Variants in CNBD1 observed in about 807,000 individuals in gnomAD.
CNBD1 encodes the protein cyclic nucleotide binding domain containing 1.
A neutral mutation model predicts 54.4 loss-of-function variants in CNBD1; 71 were observed. The ratio of observed to expected loss-of-function variants is 1.30; its 90% confidence interval spans 1.08 to 1.59. The LOEUF (loss-of-function observed/expected upper bound fraction) is 1.59. Ranked by LOEUF, CNBD1 falls within the 40% of genes most tolerant of loss-of-function variation. CNBD1 has a pLI of 0.00. For missense variants in CNBD1, 659 were observed against 518.0 expected (o/e 1.27, Z -2.64); for synonymous variants, 182 against 170.7 (o/e 1.07, Z -0.51).
intron 3 of CNBD1, among the ~76,000 whole-genome samples, chr8:86,934,172 C>T (rs145473783): frequency 6.6e-6 from 1 of 152,060 alleles, no homozygotes; most frequent in African/African-American, 2.4e-5. Context: ...TCCTGGCAAG[C>T]AAAGTAGGTC....
rs997154413 is a variant in CNBD1 at position 86,960,384 on chromosome 8, T to A, written c.431+20630T>A. 2.0e-5 allele frequency among the ~76,000 whole-genome samples: 3 copies of A among 152,244 alleles called. No homozygotes were observed. In the South Asian group the frequency reaches 6.2e-4, roughly 32 times the overall value. Reference sequence around the variant, plus strand: ...CCCACACCCACAGAGCCTCACTCACTGCTAGCACAGCAGTCTGAGATCGAA... The same window carrying A: ...CCCACACCCACAGAGCCTCACTCACAGCTAGCACAGCAGTCTGAGATCGAA... On this transcript the variant is annotated intron_variant, in intron 4 of 10. Transcript: ENST00000518476.
At chr8:87,147,010 A>C (rs1022825585) in intron 4 of CNBD1, among the ~76,000 whole-genome samples, 1 of 152,094 alleles carries the variant, frequency 6.6e-6, no homozygotes. Flanking sequence ...GCTTGTCTGC[A>C]AAATCCTCCC....
chr8:87,394,779 T>C (rs1586076557), intron 2 of CNBD1, among the ~76,000 whole-genome samples: 1 of 151,946 alleles, frequency 6.6e-6, no homozygotes. Flanking sequence ...CTCATCTGTT[T>C]GGTTAAGTTT....
At chr8:87,403,274 C>T (rs1039412708) in intron 2 of CNBD1, among the ~76,000 whole-genome samples, 2 of 151,994 alleles carry the variant, frequency 1.3e-5, no homozygotes, top group African/African-American at 4.8e-5. Flanking sequence ...TTTGCATCAG[C>T]AGTTAGTTTC....
chr8:87,135,487 T>A (rs114752259), intron 4 of CNBD1, among the ~76,000 whole-genome samples: 146 of 151,106 alleles, frequency 9.7e-4, no homozygotes, highest in African/African-American at 3.4e-3. Flanking sequence ...TGCTAGTGTA[T>A]ATTTTGATGA....
intron 8 of CNBD1, among the ~76,000 whole-genome samples, chr8:87,300,185 A>C (rs1224328572): frequency 1.3e-5 from 2 of 152,174 alleles, no homozygotes; most frequent in Non-Finnish European, 2.9e-5. Context: ...ATGAATTATA[A>C]AGTATTTTTA....
At chr8:87,026,638 A>C (rs547523178) in intron 4 of CNBD1, among the ~76,000 whole-genome samples, 8 of 152,260 alleles carry the variant, frequency 5.3e-5, no homozygotes, top group African/African-American at 1.9e-4. Context: ...TCCTTTCTCT[A>C]AAAAAATTTT....
At chr8:87,096,962 G>T (rs1811333227) in intron 4 of CNBD1, among the ~76,000 whole-genome samples, 1 of 152,166 alleles carries the variant, frequency 6.6e-6, no homozygotes, top group Non-Finnish European at 1.5e-5. Flanking sequence ...GCAAGAAGCA[G>T]CAGCTCAGGA....
At chr8:87,026,629 C>T (rs1809652058) in intron 4 of CNBD1, among the ~76,000 whole-genome samples, 1 of 152,036 alleles carries the variant, frequency 6.6e-6, no homozygotes, top group Non-Finnish European at 1.5e-5. Flanking sequence ...CAAACAAGAT[C>T]CTTTCTCTAA....
At chr8:86,898,046 C>G (rs1042220894) in intron 2 of CNBD1, among the ~76,000 whole-genome samples, 1 of 152,092 alleles carries the variant, frequency 6.6e-6, no homozygotes, top group Non-Finnish European at 1.5e-5. Flanking sequence ...AAAAGAATGA[C>G]ATATCTATTT....
intron 8 of CNBD1, among the ~76,000 whole-genome samples, chr8:87,316,126 T>C (rs62528143): frequency 0.048 from 7,306 of 152,112 alleles, 219 homozygotes; most frequent in Non-Finnish European, 0.06. Context: ...ATTAGTATTC[T>C]ACATGGCAAA....
intron 2 of CNBD1, among the ~76,000 whole-genome samples, chr8:87,420,917 C>T (rs754719927): frequency 3.0e-4 from 46 of 151,728 alleles, no homozygotes; most frequent in African/African-American, 4.8e-5. Context: ...TGTTACTGAT[C>T]GTGGAGTAAG....
At chr8:86,882,314 TAAAC>T (rs1351740266) in intron 1 of CNBD1, among the ~76,000 whole-genome samples, 1 of 151,922 alleles carries the variant, frequency 6.6e-6, no homozygotes, top group Non-Finnish European at 1.5e-5. Context: ...ATAAGGAACT[TAAAC>T]AAATTTACAA....
At chr8:87,063,626 GT>G (rs995938564) in intron 4 of CNBD1, among the ~76,000 whole-genome samples, 3 of 151,948 alleles carry the variant, frequency 2.0e-5, no homozygotes, top group African/African-American at 7.2e-5. Flanking sequence ...CTATATAAAG[GT>G]TAGAATAAGA....
At chr8:87,022,001 G>A (rs921452583) in intron 4 of CNBD1, among the ~76,000 whole-genome samples, 3 of 152,074 alleles carry the variant, frequency 2.0e-5, no homozygotes, top group African/African-American at 7.2e-5. Flanking sequence ...TAACAGATAG[G>A]CGAGGAATTT....
chr8:86,999,436 C>A (rs1203802599), intron 4 of CNBD1, among the ~76,000 whole-genome samples: 3 of 151,954 alleles, frequency 2.0e-5, no homozygotes, highest in Non-Finnish European at 2.9e-5. Flanking sequence ...GCAGTTGTTG[C>A]TTTTAAACTT....
intron 8 of CNBD1, among the ~76,000 whole-genome samples, chr8:87,309,846 G>T (rs1313589099): frequency 6.6e-6 from 1 of 151,414 alleles, no homozygotes; most frequent in Non-Finnish European, 1.5e-5. Context: ...AATCAGGCAA[G>T]AAAAAAAATA....
At chr8:87,034,762 A>T (rs1563443379) in intron 4 of CNBD1, among the ~76,000 whole-genome samples, 1 of 152,100 alleles carries the variant, frequency 6.6e-6, no homozygotes, top group Non-Finnish European at 1.5e-5. Flanking sequence ...TTGATTTATC[A>T]CAAATCTCCA....
intron 4 of CNBD1, among the ~76,000 whole-genome samples, chr8:86,947,336 G>A (rs1227875384): frequency 6.6e-6 from 1 of 152,116 alleles, no homozygotes; most frequent in African/African-American, 2.4e-5. Context: ...GTATCCATTT[G>A]TGGTTCTGAG....
Sources: allele counts gnomAD v4.1 joint callset (sites outside exome capture counted in the v4.1 genomes callset), GRCh38; gene constraint gnomAD v4.1.1; transcripts MANE v1.5; gene names NCBI Gene and HGNC (gene_info 2026-07-23, HGNC 2026-07-21).